Variants in ATP13A3 observed in about 807,000 individuals in gnomAD.
ATP13A3 encodes the protein polyamine-transporting ATPase 13A3.
ATP13A3 carries 59 observed loss-of-function variants against 158.1 expected under a neutral mutation model. That is an observed-to-expected ratio of 0.37 (90% CI 0.30 to 0.46). ATP13A3 has a LOEUF of 0.46. Ranked by LOEUF, ATP13A3 falls within the 20% of genes least tolerant of loss-of-function variation. ATP13A3 has a pLI of 1.00. For synonymous variants in ATP13A3, 491 were observed against 504.3 expected (o/e 0.97, Z 0.35); for missense variants, 1,166 against 1,525.2 (o/e 0.76, Z 3.92).
intron 2 of ATP13A3, among the ~76,000 whole-genome samples, chr3:194,492,794 G>A (rs1158982633): frequency 4.6e-5 from 7 of 152,034 alleles, no homozygotes; most frequent in Non-Finnish European, 8.8e-5. Flanking sequence ...CTTATAATAC[G>A]ATGTAAATTC....
chr3:194,425,358 T>C lies in ATP13A3; in HGVS notation c.3297A>G (p.Gln1099=), dbSNP rs1716687481. 6.2e-7 allele frequency: 1 copy of C among 1,611,832 alleles called. No individual in the cohort carries two copies. The highest frequency in any genetic ancestry group is 2.2e-5 in the East Asian group (1 of 44,858). ...CAAACTTACAATTTTTGTAGCAAGG[T>C]TGCCTGAAGGGTTTTCCTTTTGAAA... is the stretch of plus-strand genomic sequence containing the variant. ...IAFSKGKPFR[Q]PCYKNYFFVF... is the part of the protein sequence containing the mutation. Residue 1099 remains glutamine (Q), a synonymous_variant, in exon 30 of 34, where the codon CAA becomes CAG. Coordinates refer to ENST00000645319, the MANE Select transcript of ATP13A3 (RefSeq NM_001367549.1).
At chr3:194,419,812 C>A (rs1716158438) in intron 31 of ATP13A3, 67 bp downstream of exon 31, 1 of 1,514,526 alleles carries the variant, frequency 6.6e-7, no homozygotes, top group Admixed American at 2.6e-5. Context: ...AAGAAGAGAT[C>A]CTGGAAAAAA....
intron 32 of ATP13A3, 40 bp from the exon 33 acceptor site, chr3:194,412,328 A>G (rs1715499414): frequency 6.9e-7 from 1 of 1,439,904 alleles, no homozygotes; most frequent in Admixed American, 2.0e-5. Flanking sequence ...AATAATGACT[A>G]AGTCATTTTT....
At chr3:194,487,010 C>T (rs983802926), upstream of ATP13A3, 2 of 148,088 alleles carry the variant, frequency 1.4e-5, no homozygotes, top group African/African-American at 4.9e-5. Context: ...ACTCCCGCGC[C>T]GGATGTGAGG....
In ATP13A3 at chr3:194,441,361, C is replaced by G. The variant is rs1483707699; in HGVS notation, c.1660G>C (p.Val554Leu). 2 of 1,613,796 alleles carry G rather than the reference C, an allele frequency of 1.2e-6. No individual in the cohort carries two copies. The highest frequency in any genetic ancestry group is 1.7e-5 in the Admixed American group (1 of 60,018). ...TCHSLTKIEG[V>L]LSGDPLDLKM... ...AGATCAAGTGGATCACCAGAGAGCA[C>G]TCCTTCAATTTTTGTAAGTGAATGA... Residue 554 changes from valine (V) to leucine (L), a missense_variant, in exon 16 of 34, where the codon GTG becomes CTG. Coordinates refer to ENST00000645319, the MANE Select transcript of ATP13A3 (RefSeq NM_001367549.1).
At chr3:194,482,043 A>G (rs6778291) in intron 2 of ATP13A3, among the ~76,000 whole-genome samples, 30,941 of 152,152 alleles carry the variant, frequency 0.2, 6,805 homozygotes, top group African/African-American at 0.55. Context: ...CTAGAGAATC[A>G]TTTTATGGAA....
At chr3:194,487,649 A>G (rs1721064437), upstream of ATP13A3, 1 of 152,192 alleles carries the variant, frequency 6.6e-6, no homozygotes, top group South Asian at 2.1e-4. Flanking sequence ...TTCCCTCCGC[A>G]GAAGACTTAT....
At chr3:194,413,701 T>G in intron 32 of ATP13A3, 58 bp downstream of exon 32, 1 of 1,451,732 alleles carries the variant, frequency 6.9e-7, no homozygotes, top group Non-Finnish European at 9.7e-7. Flanking sequence ...CATTTACCAT[T>G]AAATCACCCA....
intron 2 of ATP13A3, among the ~76,000 whole-genome samples, chr3:194,469,753 G>C (rs1405680856): frequency 6.6e-6 from 1 of 152,004 alleles, no homozygotes; most frequent in Admixed American, 6.5e-5. Flanking sequence ...TAATGATCTT[G>C]AAATATAAAC....
At chr3:194,417,798 A>G (rs1430930646) in intron 31 of ATP13A3, among the ~76,000 whole-genome samples, 1 of 151,956 alleles carries the variant, frequency 6.6e-6, no homozygotes, top group Non-Finnish European at 1.5e-5. Context: ...TTTTTATTAC[A>G]AAAAATTTTA....
At chr3:194,491,380 A>T (rs190312902), upstream of ATP13A3, among the ~76,000 whole-genome samples, 1 of 150,982 alleles carries the variant, frequency 6.6e-6, no homozygotes, top group African/African-American at 2.4e-5. Flanking sequence ...CATTCTTTAC[A>T]CCTCCCTCTC....
rs377487686 is a variant in ATP13A3, at chr3:194,447,029, A to G, written c.1395T>C (p.Gly465=). The change falls in exon 14 of 34, where the codon GGT becomes GGC. Residue 465 remains glycine (G), a synonymous_variant. Transcript: ENST00000645319. ...PPALPAAMTA[G]IVYAQRRLKK... ...TCAGTCTTCTCTGAGCATACACAAT[A>G]CCAGCAGTCATTGCAGCAGGAAGTG... 1.4e-5 allele frequency: 22 copies of G among 1,613,594 alleles called. No homozygotes were observed. The African/African-American group carries it at 2.9e-4, about 22-fold the overall frequency.
chr3:194,445,654 TA>T (rs1456718808), intron 14 of ATP13A3, among the ~76,000 whole-genome samples: 1 of 152,230 alleles, frequency 6.6e-6, no homozygotes, highest in African/African-American at 2.4e-5. Context: ...TTTGAACTGA[TA>T]AATATGAAAT....
At chr3:194,474,024 C>G (rs992733377) in intron 2 of ATP13A3, among the ~76,000 whole-genome samples, 2 of 152,170 alleles carry the variant, frequency 1.3e-5, no homozygotes, top group African/African-American at 4.8e-5. Flanking sequence ...AAGGCAGAGG[C>G]TACCATTAAC....
At chr3:194,436,720 C>T (rs527966282) in intron 20 of ATP13A3, among the ~76,000 whole-genome samples, 245 of 152,366 alleles carry the variant, frequency 1.6e-3, no homozygotes, top group Non-Finnish European at 1.8e-3. Flanking sequence ...TGGCGGCACC[C>T]GCCTATAATC....
At chr3:194,433,386 G>A (rs1480003051) in intron 21 of ATP13A3, among the ~76,000 whole-genome samples, 1 of 151,944 alleles carries the variant, frequency 6.6e-6, no homozygotes, top group Non-Finnish European at 1.5e-5. Flanking sequence ...TGGGACTACA[G>A]GCACCCGCCA....
chr3:194,418,431 C>T (rs1441116268), intron 31 of ATP13A3, among the ~76,000 whole-genome samples: 1 of 151,694 alleles, frequency 6.6e-6, no homozygotes. Flanking sequence ...ACATTAAGAA[C>T]TCTGAAAACT....
intron 2 of ATP13A3, among the ~76,000 whole-genome samples, chr3:194,471,674 T>A (rs1720313498): frequency 6.6e-6 from 1 of 152,210 alleles, no homozygotes; most frequent in Admixed American, 6.5e-5. Context: ...TTTATCAAAC[T>A]AATTCATCTA....
At chr3:194,441,993 T>C (rs577960875) in intron 15 of ATP13A3, among the ~76,000 whole-genome samples, 2 of 152,324 alleles carry the variant, frequency 1.3e-5, no homozygotes, top group East Asian at 3.9e-4. Flanking sequence ...TATTGGCCCA[T>C]TATCCTCACA....
Sources: allele counts gnomAD v4.1 joint callset (sites outside exome capture counted in the v4.1 genomes callset), GRCh38; gene constraint gnomAD v4.1.1; transcripts MANE v1.5; gene names NCBI Gene and HGNC (gene_info 2026-07-23, HGNC 2026-07-21).